Variants in PPP1R1C observed in about 807,000 individuals in gnomAD.
PPP1R1C encodes the protein protein phosphatase 1 regulatory subunit 1C.
A neutral mutation model predicts 17.4 loss-of-function variants in PPP1R1C; 15 were observed. The ratio of observed to expected loss-of-function variants is 0.86; its 90% CI spans 0.58 to 1.33. The LOEUF is 1.33. Ranked by LOEUF, PPP1R1C falls within the 40% of genes most tolerant of loss-of-function variation. The pLI, the probability that PPP1R1C is intolerant of heterozygous loss-of-function variation, is 0.00. For synonymous variants in PPP1R1C, 35 were observed against 43.1 expected (o/e 0.81, Z 0.73); for missense variants, 143 against 130.0 (o/e 1.10, Z -0.48).
At chr2:181,993,165 C>T (rs373979401) in intron 2 of PPP1R1C, among the ~76,000 whole-genome samples, 1 of 152,124 alleles carries the variant, frequency 6.6e-6, no homozygotes, top group East Asian at 1.9e-4. Context: ...CCAGAAATTT[C>T]TGGTGATTAT....
intron 2 of PPP1R1C, among the ~76,000 whole-genome samples, chr2:181,991,160 A>C (rs1022510676): frequency 1.3e-5 from 2 of 151,936 alleles, no homozygotes; most frequent in Non-Finnish European, 2.9e-5. Flanking sequence ...AGTAAATTAT[A>C]GGAGTATTTG....
At chr2:182,037,388 G>A (rs971917214) in intron 2 of PPP1R1C, among the ~76,000 whole-genome samples, 1 of 152,008 alleles carries the variant, frequency 6.6e-6, no homozygotes. Context: ...AGAGATTGAG[G>A]CCATCCTGGC....
At position 182,043,383 on chromosome 2, in the gene PPP1R1C, T is replaced by C. The variant is rs184362095; in HGVS notation, c.143-18059T>C. ...GAACTCAAAATACTTATTTAAAAAC[T>C]TTAATAAGCAAAATAACAAGCAAAA... On this transcript the variant is annotated intron_variant, in intron 2 of 4. Coordinates refer to ENST00000682840, the MANE Select transcript of PPP1R1C (RefSeq NM_001080545.3). Among the ~76,000 whole-genome samples, 18 of 152,330 alleles carry C rather than the reference T, an allele frequency of 1.2e-4. 1 individual carries two copies. The Middle Eastern group carries it at 0.01, about 86-fold the overall frequency.
chr2:181,985,860 C>T lies in PPP1R1C; in HGVS notation c.-251C>T. 1.8e-6 allele frequency: 1 copy of T among 544,812 alleles called. No individual in the cohort carries two copies. Among genetic ancestry groups the T allele is most frequent in the East Asian group, 3.0e-5 (1 of 33,816 alleles). The allele number at this position is 544,812 out of a possible 1,614,324, so 33.7% of individuals were successfully genotyped here. The stretch of plus-strand genomic sequence containing the variant: ...GAGGCACACAATTAGCGTATTGTTC[C>T]TTTCTGTATTGTGCTGAGAGGATCC... On this transcript the variant is annotated 5_prime_UTR_variant, in exon 1 of 5. Transcript: ENST00000682840. This position sits in a 1 kb window ranked among gnomAD's most constrained non-coding sequence, Gnocchi z 4.1.
At chr2:182,108,807 A>T (rs556167537) in intron 4 of PPP1R1C, among the ~76,000 whole-genome samples, 10 of 152,272 alleles carry the variant, frequency 6.6e-5, no homozygotes, top group Non-Finnish European at 1.3e-4. Context: ...TTTTGCAGTT[A>T]TTAATAAAGC....
chr2:182,114,402 T>TGG (rs145425958), intron 4 of PPP1R1C, among the ~76,000 whole-genome samples: 37,064 of 152,002 alleles, frequency 0.24, 5,064 homozygotes, highest in African/African-American at 0.37. Context: ...AAACATCAAA[T>TGG]GGGGGTTTAA....
chr2:182,111,312 C>T (rs3731688), intron 4 of PPP1R1C, among the ~76,000 whole-genome samples: 4,833 of 152,048 alleles, frequency 0.032, 227 homozygotes, highest in Admixed American at 0.13. Context: ...TCATATTGCA[C>T]GTTTATTCTT....
At chr2:182,054,515 A>C (rs1687623008) in intron 2 of PPP1R1C, among the ~76,000 whole-genome samples, 1 of 152,018 alleles carries the variant, frequency 6.6e-6, no homozygotes, top group Admixed American at 6.6e-5. Context: ...ACAAAATGTC[A>C]TTCAAGAATG....
At chr2:181,982,855 T>A (rs1559044736), upstream of PPP1R1C, among the ~76,000 whole-genome samples, 1 of 152,196 alleles carries the variant, frequency 6.6e-6, no homozygotes, top group Non-Finnish European at 1.5e-5. Flanking sequence ...TTTACTCCAG[T>A]ATCACTTACT....
intron 4 of PPP1R1C, among the ~76,000 whole-genome samples, chr2:182,081,330 T>A (rs1459314910): frequency 2.0e-5 from 3 of 152,194 alleles, no homozygotes; most frequent in Admixed American, 1.3e-4. Flanking sequence ...TTGTATAATT[T>A]TTTTTCAAGT....
chr2:182,114,190 G>A (rs114966437), intron 4 of PPP1R1C, among the ~76,000 whole-genome samples: 1,909 of 152,096 alleles, frequency 0.013, 46 homozygotes, highest in African/African-American at 0.043. Context: ...TTGGTTTTCC[G>A]CCCATATGCA....
At chr2:182,000,107 G>A (rs1031042349) in intron 2 of PPP1R1C, among the ~76,000 whole-genome samples, 4 of 152,158 alleles carry the variant, frequency 2.6e-5, no homozygotes, top group East Asian at 1.9e-4. Context: ...GGTTTTGCAC[G>A]AGTAAGCATA....
downstream of PPP1R1C, among the ~76,000 whole-genome samples, chr2:182,121,889 C>T (rs938852844): frequency 8.5e-5 from 13 of 152,182 alleles, no homozygotes; most frequent in African/African-American, 3.1e-4. Context: ...CCCTTCTACA[C>T]CTTTCCTGCT....
intron 2 of PPP1R1C, among the ~76,000 whole-genome samples, chr2:181,997,478 T>A (rs908571999): frequency 3.9e-5 from 6 of 152,160 alleles, no homozygotes; most frequent in African/African-American, 1.4e-4. Context: ...AATAATAATT[T>A]TTTTGTTTCT....
intron 4 of PPP1R1C, among the ~76,000 whole-genome samples, chr2:182,115,759 T>C (rs185024319): frequency 2.2e-4 from 33 of 152,310 alleles, no homozygotes; most frequent in African/African-American, 7.9e-4. Flanking sequence ...TTGCAATCCA[T>C]GAAGTCCAAG....
intron 2 of PPP1R1C, among the ~76,000 whole-genome samples, chr2:182,033,514 T>C (rs1686908483): frequency 6.6e-6 from 1 of 152,214 alleles, no homozygotes; most frequent in East Asian, 1.9e-4. Context: ...ATGTATTCTT[T>C]AAAAACCAAC....
At chr2:182,036,697 A>C (rs62192116) in intron 2 of PPP1R1C, among the ~76,000 whole-genome samples, 3 of 151,538 alleles carry the variant, frequency 2.0e-5, no homozygotes, top group Non-Finnish European at 4.4e-5. Flanking sequence ...CTCTCTCTCT[A>C]TGTGTTTGTG....
At chr2:181,993,910 T>A (rs1159179354) in intron 2 of PPP1R1C, among the ~76,000 whole-genome samples, 3 of 151,714 alleles carry the variant, frequency 2.0e-5, no homozygotes, top group African/African-American at 7.3e-5. Flanking sequence ...GAAAAAAAAA[T>A]GAAAGGGACC....
At chr2:182,119,520 C>A (rs1028176585), downstream of PPP1R1C, among the ~76,000 whole-genome samples, 110 of 152,332 alleles carry the variant, frequency 7.2e-4, no homozygotes, top group Non-Finnish European at 1.4e-3. Flanking sequence ...ACAGTCCCAA[C>A]AACAGTGTAA....
Sources: allele counts gnomAD v4.1 joint callset (sites outside exome capture counted in the v4.1 genomes callset), GRCh38; gene constraint gnomAD v4.1.1; non-coding constraint Gnocchi (gnomAD v3.1); transcripts MANE v1.5; gene names NCBI Gene and HGNC (gene_info 2026-07-23, HGNC 2026-07-21).